The following SRBD1 variants were observed in gnomAD, a reference collection of about 807,000 sequenced individuals.
SRBD1 encodes S1 RNA binding domain 1.
SRBD1 carries 88 observed loss-of-function variants against 115.3 expected under a neutral mutation model. That is an observed-to-expected ratio of 0.76 (90% CI 0.64 to 0.91). SRBD1 has a LOEUF of 0.91. SRBD1 is among the 40% of genes least tolerant of loss of function. The probability of loss-of-function intolerance (pLI) is 0.00; values close to 1 mark genes in which losing one functional copy is unlikely to be tolerated. For missense variants in SRBD1, 1,385 were observed against 1,177.4 expected, an observed-to-expected ratio of 1.18 and a Z score of -2.58; for synonymous variants, 509 against 407.7, an observed-to-expected ratio of 1.25 and a Z score of -2.99.
At chr2:45,519,761 T>C (rs1671225349) in intron 14 of SRBD1, among the ~76,000 whole-genome samples, 1 of 152,184 alleles carries the variant, frequency 6.6e-6, no homozygotes, top group East Asian at 1.9e-4. Context: ...TGTGTTGACT[T>C]TCAGAGAAGG....
chr2:45,524,231 A>G (rs1226939767), intron 14 of SRBD1, among the ~76,000 whole-genome samples: 3 of 152,016 alleles, frequency 2.0e-5, no homozygotes, highest in Non-Finnish European at 4.4e-5. Flanking sequence ...GTTTCCCCTA[A>G]AACAGGAACA....
chr2:45,588,150 G>A (rs1188916040), intron 4 of SRBD1, among the ~76,000 whole-genome samples: 1 of 152,098 alleles, frequency 6.6e-6, no homozygotes, highest in Non-Finnish European at 1.5e-5. Context: ...ATCTATTCCA[G>A]TATACACAAA....
intron 19 of SRBD1, among the ~76,000 whole-genome samples, chr2:45,401,667 G>A (rs1667295213): frequency 6.6e-6 from 1 of 152,180 alleles, no homozygotes; most frequent in Non-Finnish European, 1.5e-5. Context: ...GGAGTTAGCT[G>A]GCATGCCAAT....
chr2:45,543,154 A>G (rs1209915575), intron 14 of SRBD1, among the ~76,000 whole-genome samples: 1 of 152,232 alleles, frequency 6.6e-6, no homozygotes, highest in Non-Finnish European at 1.5e-5. Context: ...TTCAACTTCA[A>G]CTATCACAAT....
At chr2:45,468,472 T>G (rs1174914576) in intron 16 of SRBD1, among the ~76,000 whole-genome samples, 1 of 151,842 alleles carries the variant, frequency 6.6e-6, no homozygotes, top group East Asian at 1.9e-4. Flanking sequence ...AATGCAGCCT[T>G]TATCTTCCGG....
chr2:45,470,581 A>C (rs1669618515), intron 16 of SRBD1, among the ~76,000 whole-genome samples: 1 of 152,196 alleles, frequency 6.6e-6, no homozygotes, highest in Non-Finnish European at 1.5e-5. Flanking sequence ...CCGAAAACAC[A>C]GTCCAAAGAA....
intron 14 of SRBD1, among the ~76,000 whole-genome samples, chr2:45,534,548 T>C (rs953972120): frequency 3.3e-5 from 5 of 151,898 alleles, no homozygotes; most frequent in Admixed American, 6.6e-5. Context: ...TGGATATTAG[T>C]TTTAATATCC....
intron 10 of SRBD1, among the ~76,000 whole-genome samples, chr2:45,557,412 A>G (rs3770294): frequency 0.51 from 78,019 of 152,024 alleles, 20,440 homozygotes; most frequent in African/African-American, 0.55. Flanking sequence ...AATCTTAAAT[A>G]TCACCTACCC....
chr2:45,568,631 G>A (rs902702508), intron 9 of SRBD1, among the ~76,000 whole-genome samples: 1 of 152,248 alleles, frequency 6.6e-6, no homozygotes. Context: ...CACTAACTCA[G>A]AATGCCACAT....
intron 18 of SRBD1, among the ~76,000 whole-genome samples, chr2:45,417,627 C>G (rs963919706): frequency 5.3e-5 from 8 of 152,174 alleles, no homozygotes; most frequent in African/African-American, 1.9e-4. Context: ...AAATGTTCTT[C>G]TTTCATGATT....
At chr2:45,437,965 AT>A (rs1668550623) in intron 16 of SRBD1, among the ~76,000 whole-genome samples, 1 of 152,204 alleles carries the variant, frequency 6.6e-6, no homozygotes, top group Non-Finnish European at 1.5e-5. Flanking sequence ...ATAGGTTATT[AT>A]CTGTTTGTCT....
At chr2:45,459,916 GTAAGATCTT>G (rs1485625040) in intron 16 of SRBD1, among the ~76,000 whole-genome samples, 1 of 152,104 alleles carries the variant, frequency 6.6e-6, no homozygotes, top group African/African-American at 2.4e-5. Flanking sequence ...TCCTGTCTAT[GTAAGATCTT>G]TATCTCTCAG....
At chr2:45,532,881 C>T (rs1671655602) in intron 14 of SRBD1, among the ~76,000 whole-genome samples, 1 of 151,868 alleles carries the variant, frequency 6.6e-6, no homozygotes, top group African/African-American at 2.4e-5. Flanking sequence ...CAATTTCTGG[C>T]CCCCGAATCT....
intron 7 of SRBD1, among the ~76,000 whole-genome samples, chr2:45,575,029 G>C (rs1349101430): frequency 1.3e-5 from 2 of 152,124 alleles, no homozygotes; most frequent in Non-Finnish European, 2.9e-5. Context: ...CAACCTACTT[G>C]ACTCCTCTGT....
chr2:45,507,992 A>C (rs767495166), intron 14 of SRBD1, among the ~76,000 whole-genome samples: 13 of 152,312 alleles, frequency 8.5e-5, no homozygotes, highest in Middle Eastern at 3.4e-3. Context: ...AAAAGGAATG[A>C]CATTTCTCCC....
chr2:45,499,442 G>A (rs1670558790), intron 14 of SRBD1, among the ~76,000 whole-genome samples: 1 of 152,114 alleles, frequency 6.6e-6, no homozygotes, highest in South Asian at 2.1e-4. Flanking sequence ...CTCCCATTCA[G>A]TAGGTTGCTT....
chr2:45,392,868 G>A, intron 20 of SRBD1, 77 bp downstream of exon 20: 2 of 1,320,054 alleles, frequency 1.5e-6, no homozygotes, highest in Non-Finnish European at 2.1e-6. Context: ...TTATGGCATA[G>A]GATTGCTGTG....
At chr2:45,399,342 A>C (rs538344361) in intron 19 of SRBD1, among the ~76,000 whole-genome samples, 1 of 152,308 alleles carries the variant, frequency 6.6e-6, no homozygotes, top group South Asian at 2.1e-4. Flanking sequence ...TGAGCTTACA[A>C]TCTAATTTTA....
chr2:45,477,177 C>T (rs1669828890), intron 15 of SRBD1, 102 bp from the exon 16 acceptor site: 1 of 871,440 alleles, frequency 1.1e-6, no homozygotes, highest in East Asian at 2.7e-5. Flanking sequence ...TAATCCTGTC[C>T]CTCCTCATCA....
Sources: gnomAD v4.1 joint callset for allele counts (sites outside exome capture counted in the v4.1 genomes callset) on GRCh38, gnomAD v4.1.1 for gene constraint, MANE v1.5 for transcripts, NCBI Gene and HGNC (gene_info 2026-07-23, HGNC 2026-07-21) for gene names.